The following TCF4 variants were observed in gnomAD, a reference collection of about 807,000 sequenced individuals.
TCF4 encodes transcription factor 4, also known as SL3-3 enhancer factor 2.
Under a neutral mutation model 82.1 loss-of-function variants are expected in TCF4, and 3 were observed. The observed-to-expected ratio is 0.04, with a 90% CI of 0.02 to 0.09. The LOEUF (loss-of-function observed/expected upper bound fraction) is 0.09. Among genes scored for constraint, TCF4 ranks in the 10% least tolerant of loss-of-function variants. The pLI is 1.00. For missense variants in TCF4, 518 were observed against 852.7 expected (o/e 0.61, Z 4.89); for synonymous variants, 276 against 309.6 (o/e 0.89, Z 1.14).
At chr18:55,363,041 C>T (rs369630881) in intron 6 of TCF4, among the ~76,000 whole-genome samples, 2 of 151,912 alleles carry the variant, frequency 1.3e-5, no homozygotes, top group Non-Finnish European at 2.9e-5. Context: ...GACTTTAATG[C>T]AAATTCAAAC....
At chr18:55,469,758 T>C (rs1202189923) in intron 3 of TCF4, 2 of 152,198 alleles carry the variant, frequency 1.3e-5, no homozygotes, top group East Asian at 3.8e-4. Flanking sequence ...TGACCAGTTC[T>C]CTGGTCTGAG....
In TCF4 at chr18:55,401,103, T is replaced by C. The variant is rs143695177; in HGVS notation, c.369+2351A>G. On this transcript the variant is annotated intron_variant, in intron 6 of 19. Transcript: ENST00000354452. ...TTCTCTTTGGTTTGCATAGCTGATG[T>C]TGTAGACAGGGATTCAAATAACAAT... The C allele has an allele frequency of 6.0e-4, 767 of 1,289,050 alleles. 3 individuals carry two copies. The African/African-American group carries it at 9.9e-3, about 17-fold the overall frequency. 79.9% of individuals were successfully genotyped at this position (1,289,050 alleles called of 1,614,324 possible).
At chr18:55,244,848 C>T (rs1023673380) in intron 15 of TCF4, among the ~76,000 whole-genome samples, 2 of 152,152 alleles carry the variant, frequency 1.3e-5, no homozygotes, top group Non-Finnish European at 2.9e-5. Flanking sequence ...AAAAGAGACC[C>T]GTCCGTGTGC....
In TCF4 at chr18:55,540,599, A is replaced by C. The variant is rs1053870173; in HGVS notation, c.145+44681T>G. 5.3e-5 allele frequency among the ~76,000 whole-genome samples: 8 copies of C among 152,084 alleles called. No individual in the cohort carries two copies. The South Asian group carries it at 1.7e-3, about 31-fold the overall frequency. Reference sequence around the variant, plus strand: ...ACATTATTATTACATATTTGCAAAAAATAAGAGAAATTCCTGGCATATAAA... The same window carrying C: ...ACATTATTATTACATATTTGCAAAACATAAGAGAAATTCCTGGCATATAAA... On this transcript the variant is annotated intron_variant, in intron 3 of 19. Coordinates refer to ENST00000354452, the MANE Select transcript of TCF4 (RefSeq NM_001083962.2).
chr18:55,445,149 T>C (rs1163945658), intron 5 of TCF4, among the ~76,000 whole-genome samples: 1 of 152,162 alleles, frequency 6.6e-6, no homozygotes, highest in East Asian at 1.9e-4. Flanking sequence ...TATCTCACTA[T>C]TTAAAATCAA....
chr18:55,470,185 C>T (rs186218671), intron 3 of TCF4, among the ~76,000 whole-genome samples: 1 of 152,298 alleles, frequency 6.6e-6, no homozygotes, highest in Non-Finnish European at 1.5e-5. Context: ...ATTTGTTAAA[C>T]ACTTAGGAAA....
chr18:55,511,305 T>G (rs2096825316), intron 3 of TCF4, among the ~76,000 whole-genome samples: 1 of 131,986 alleles, frequency 7.6e-6, no homozygotes, highest in South Asian at 2.3e-4. Context: ...AACTTAGATG[T>G]AGGTAATAGA....
intron 2 of TCF4, among the ~76,000 whole-genome samples, chr18:55,617,321 G>C (rs2097713097): frequency 6.6e-6 from 1 of 152,098 alleles, no homozygotes; most frequent in South Asian, 2.1e-4. Flanking sequence ...GTACCATACT[G>C]TTTTAATTAC....
intron 3 of TCF4, among the ~76,000 whole-genome samples, chr18:55,481,154 G>A (rs1464846480): frequency 7.0e-6 from 1 of 143,550 alleles, no homozygotes; most frequent in Non-Finnish European, 1.5e-5. Flanking sequence ...AATTTGGAAA[G>A]AAGGAAAGAA....
At chr18:55,268,508 GGTTAGGAAAA>G in intron 11 of TCF4, 1 of 152,050 alleles carries the variant, frequency 6.6e-6, no homozygotes. Flanking sequence ...GTAGAAGCTT[GGTTAGGAAAA>G]GTTAAAAAAA....
chr18:55,369,728 T>C (rs1394502004), intron 6 of TCF4, among the ~76,000 whole-genome samples: 2 of 152,208 alleles, frequency 1.3e-5, no homozygotes, highest in East Asian at 3.8e-4. Context: ...GGCGCAGATA[T>C]CAGCAGCTGT....
intron 8 of TCF4, among the ~76,000 whole-genome samples, chr18:55,344,940 CTCTCTT>C (rs1218370766): frequency 1.3e-5 from 2 of 152,120 alleles, no homozygotes; most frequent in East Asian, 1.9e-4. Context: ...TATATTTCTT[CTCTCTT>C]TCTATCTAAA....
intron 5 of TCF4, among the ~76,000 whole-genome samples, chr18:55,428,908 T>C (rs751185084): frequency 2.8e-4 from 42 of 152,166 alleles, no homozygotes; most frequent in Non-Finnish European, 2.6e-4. Context: ...AGAGGTCTAC[T>C]CTGGAGAAGG....
intron 5 of TCF4, among the ~76,000 whole-genome samples, chr18:55,419,783 C>G (rs1256638454): frequency 6.6e-6 from 1 of 152,178 alleles, no homozygotes; most frequent in Non-Finnish European, 1.5e-5. Flanking sequence ...TCTCCACAGA[C>G]CCCAACCAAT....
chr18:55,414,374 T>C (rs538367117), intron 5 of TCF4, among the ~76,000 whole-genome samples: 1 of 152,096 alleles, frequency 6.6e-6, no homozygotes, highest in South Asian at 2.1e-4. Flanking sequence ...AGCTCTAAGT[T>C]CTTTGATCAC....
chr18:55,449,888 G>A (rs965215496), intron 5 of TCF4, among the ~76,000 whole-genome samples: 10 of 151,824 alleles, frequency 6.6e-5, no homozygotes, highest in Middle Eastern at 3.4e-3. Context: ...TCACTTCCAC[G>A]TTCTGCCAGA....
At chr18:55,629,653 G>A (rs760988854) in intron 2 of TCF4, among the ~76,000 whole-genome samples, 9 of 152,184 alleles carry the variant, frequency 5.9e-5, no homozygotes, top group Non-Finnish European at 1.2e-4. Context: ...ACAAGGTTGT[G>A]GAGCTATAGT....
At chr18:55,267,920 A>C (rs555417210) in intron 11 of TCF4, 1 of 152,236 alleles carries the variant, frequency 6.6e-6, no homozygotes, top group African/African-American at 2.4e-5. Flanking sequence ...AGCATATAGA[A>C]GTCACCTATT....
intron 3 of TCF4, among the ~76,000 whole-genome samples, chr18:55,504,876 C>T: frequency 6.6e-6 from 1 of 152,136 alleles, no homozygotes; most frequent in East Asian, 1.9e-4. Context: ...TGTTCCAAGC[C>T]TCCCCCAAGA....
Sources: allele counts gnomAD v4.1 joint callset (sites outside exome capture counted in the v4.1 genomes callset), GRCh38; gene constraint gnomAD v4.1.1; transcripts MANE v1.5; gene names NCBI Gene and HGNC (gene_info 2026-07-23, HGNC 2026-07-21).